USP9X: variants seen among roughly 807,000 people sequenced by gnomAD.
The protein encoded by USP9X is ubiquitin specific peptidase 9 X-linked, also known as ubiquitin carboxyl-terminal hydrolase 9X.
A neutral mutation model predicts 190.3 loss-of-function variants in USP9X; 7 were observed. The ratio of observed to expected loss-of-function variants is 0.04; its 90% CI spans 0.02 to 0.07. The LOEUF (loss-of-function observed/expected upper bound fraction) is 0.07, where lower values mean the gene tolerates loss of function less well. Ranked by LOEUF, USP9X falls within the 10% of genes least tolerant of loss-of-function variation. The pLI is 1.00. For synonymous variants in USP9X, 645 were observed against 659.5 expected, an observed-to-expected ratio of 0.98 and a Z score of 0.34; for missense variants, 1,010 against 1,916.9, an observed-to-expected ratio of 0.53 and a Z score of 8.83.
chrX:41,148,250 G>C (rs1289277319), intron 11 of USP9X, 119 bp from the exon 12 acceptor site: 3 of 717,320 alleles, frequency 4.2e-6, no homozygotes, highest in Non-Finnish European at 6.2e-6. Flanking sequence ...GATCTCACTT[G>C]AATCATTCTG....
chrX:41,091,811 CTATATCTA>C (rs2061957205), intron 1 of USP9X, among the ~76,000 whole-genome samples: 1 of 111,605 alleles, frequency 9.0e-6, no homozygotes, highest in Non-Finnish European at 1.9e-5. Flanking sequence ...CTTTATGAAG[CTATATCTA>C]TATGTGTCAA....
rs781428990 is a variant in USP9X, at chrX:41,189,183, A to G, written c.3811-126A>G. ...AAAGGGGCCTCAAGAGTTAACATGC[A>G]GCCATGGAGAGGCTGAGGCCAGGTG... On this transcript the variant is annotated intron_variant, in intron 25 of 44. Transcript: ENST00000378308. The G allele has an allele frequency of 8.0e-5, 44 of 552,405 alleles. 1 individual carries two copies. In the South Asian group the frequency reaches 1.6e-3, roughly 21 times the overall value. The allele number at this position is 552,405 out of a possible 1,213,427, so 45.5% of individuals were successfully genotyped here.
At chrX:41,108,068 C>T (rs1275127253) in intron 1 of USP9X, among the ~76,000 whole-genome samples, 1 of 111,781 alleles carries the variant, frequency 8.9e-6, no homozygotes, top group African/African-American at 3.3e-5. Flanking sequence ...TAAAACTGGA[C>T]CTTTTATATA....
At chrX:41,135,410 G>A (rs964772097) in intron 5 of USP9X, among the ~76,000 whole-genome samples, 1 of 111,376 alleles carries the variant, frequency 9.0e-6, no homozygotes, top group Non-Finnish European at 1.9e-5. Flanking sequence ...AAGCCCTTAA[G>A]TGGAAAATGT....
rs2062694534 is a variant in USP9X at position 41,168,259 on chromosome X, T to C, written c.2636+41T>C. 3.7e-6 allele frequency: 4 copies of C among 1,070,162 alleles called. No individual in the cohort carries two copies. The Admixed American group carries it at 8.2e-5, about 22-fold the overall frequency. 88.2% of individuals were successfully genotyped at this position (1,070,162 alleles called of 1,213,427 possible). ...ATCTATTGGTGCTAATTCTTAATTATTTGATATTTTCCTAGCCATTTGGTA... is the reference window on the plus strand; with the variant it reads ...ATCTATTGGTGCTAATTCTTAATTACTTGATATTTTCCTAGCCATTTGGTA... On this transcript the variant is annotated intron_variant, in intron 18 of 44. Coordinates refer to ENST00000378308, the MANE Select transcript of USP9X (RefSeq NM_001039591.3).
At chrX:41,109,497 T>G (rs1454101889) in intron 1 of USP9X, among the ~76,000 whole-genome samples, 1 of 112,353 alleles carries the variant, frequency 8.9e-6, no homozygotes, top group Non-Finnish European at 1.9e-5. Context: ...AGAATACATT[T>G]CTGCTGCCAC....
chrX:41,226,215 A>G (rs1014555343), intron 41 of USP9X, among the ~76,000 whole-genome samples: 4 of 112,338 alleles, frequency 3.6e-5, no homozygotes, highest in African/African-American at 1.3e-4. Flanking sequence ...TAGAATGTTA[A>G]CTTTTTTCCC....
In USP9X at chrX:41,216,079, G is replaced by A; in HGVS notation, c.5512G>A (p.Asp1838Asn). Residue 1838 changes from aspartate (D) to asparagine (N), a missense_variant, in exon 35 of 45, where the codon GAT (aspartate) becomes AAT (asparagine). Around this residue, in one of 11 missense-constraint regions of USP9X, gnomAD observed 120 missense variants for 342.7 expected, o/e 0.35. Transcript: ENST00000378308. ...TVAGVAKLEG[D>N]NVNPESQLIQ... ...TGCAGGTGTCGCAAAGCTGGAAGGG[G>A]ATAATGTAAACCCAGAGAGTCAGTT... 4 of 1,211,783 alleles carry A rather than the reference G, an allele frequency of 3.3e-6. No homozygotes were observed. Among genetic ancestry groups the A allele is most frequent in the Non-Finnish European group, 4.5e-6 (4 of 895,572 alleles).
chrX:41,175,522 CAA>C (rs1248923490), intron 21 of USP9X, among the ~76,000 whole-genome samples: 1 of 101,087 alleles, frequency 9.9e-6, no homozygotes. Context: ...GACGCTGTCT[CAA>C]AAAAAAAAAA....
At chrX:41,124,116 A>T (rs1270724418) in intron 2 of USP9X, among the ~76,000 whole-genome samples, 1 of 110,519 alleles carries the variant, frequency 9.0e-6, no homozygotes, top group Non-Finnish European at 1.9e-5. Flanking sequence ...GTTCTAAATA[A>T]TTTGTGAAGC....
intron 1 of USP9X, among the ~76,000 whole-genome samples, chrX:41,110,216 C>T (rs1204987070): frequency 8.9e-6 from 1 of 111,823 alleles, no homozygotes; most frequent in African/African-American, 3.3e-5. Flanking sequence ...TATAGGTGTG[C>T]ACCACCACAG....
At chrX:41,197,624 CTTTTT>C in intron 29 of USP9X, 114 bp downstream of exon 29, 1 of 680,072 alleles carries the variant, frequency 1.5e-6, no homozygotes, top group Non-Finnish European at 2.0e-6. Context: ...GATCTTTTCT[CTTTTT>C]TAAGAATCTT....
intron 38 of USP9X, among the ~76,000 whole-genome samples, chrX:41,220,788 T>C (rs1172613986): frequency 1.9e-5 from 2 of 106,964 alleles, no homozygotes; most frequent in Non-Finnish European, 3.8e-5. Flanking sequence ...ACCCCATCTC[T>C]ACTTAAAAAT....
intron 14 of USP9X, among the ~76,000 whole-genome samples, chrX:41,161,858 G>C (rs2062636188): frequency 9.3e-6 from 1 of 107,649 alleles, no homozygotes; most frequent in Non-Finnish European, 1.9e-5. Flanking sequence ...CAAATTGCTG[G>C]GATTACAGGC....
At chrX:41,105,301 T>C (rs1342926954) in intron 1 of USP9X, among the ~76,000 whole-genome samples, 1 of 111,878 alleles carries the variant, frequency 8.9e-6, no homozygotes, top group East Asian at 2.8e-4. Flanking sequence ...CTTCTGTTAC[T>C]TGTGGGTACA....
At chrX:41,121,328 C>T (rs1245122678) in intron 1 of USP9X, among the ~76,000 whole-genome samples, 2 of 111,027 alleles carry the variant, frequency 1.8e-5, no homozygotes, top group Non-Finnish European at 3.8e-5. Flanking sequence ...AGAGTCCGCT[C>T]TGCATAACTT....
In USP9X at chrX:41,232,770, G is replaced by A; in HGVS notation, c.*246G>A. 1 of 217,617 alleles carries A rather than the reference G, an allele frequency of 4.6e-6. No individual in the cohort carries two copies. The highest frequency in any genetic ancestry group is 8.4e-6 in the Non-Finnish European group (1 of 118,765). 17.9% of individuals were successfully genotyped at this position (217,617 alleles called of 1,213,427 possible). A position where few individuals can be genotyped will look rare whatever the true frequency, so the allele number is the denominator to read the frequency against. ...TGTGTAAATGGCAAAGGTGTATATA[G>A]TATATTAATGTTGACTGTTAATTCT... is the stretch of plus-strand genomic sequence containing the variant. On this transcript the variant is annotated 3_prime_UTR_variant, in exon 45 of 45. Transcript: ENST00000378308.
intron 33 of USP9X, among the ~76,000 whole-genome samples, chrX:41,213,572 G>A (rs1040704393): frequency 1.8e-5 from 2 of 111,878 alleles, no homozygotes; most frequent in Admixed American, 9.5e-5. Context: ...AGCAAAGAGC[G>A]TCCGTACTTG....
At chrX:41,125,716 T>G (rs773372386) in intron 2 of USP9X, among the ~76,000 whole-genome samples, 26 of 100,756 alleles carry the variant, frequency 2.6e-4, no homozygotes, top group African/African-American at 1.0e-3. Context: ...TCTCTCTCTC[T>G]CTCGCGCACG....
Sources: gnomAD v4.1 joint callset for allele counts (sites outside exome capture counted in the v4.1 genomes callset) on GRCh38, gnomAD v4.1.1 for gene constraint, gnomAD v4.1.1 regional missense constraint, MANE v1.5 for transcripts, NCBI Gene and HGNC (gene_info 2026-07-23, HGNC 2026-07-21) for gene names.